The following IL21R variants were observed in gnomAD, a reference collection of about 807,000 sequenced individuals.
IL21R encodes the protein interleukin-21 receptor.
A neutral mutation model predicts 41.3 loss-of-function variants in IL21R; 14 were observed. The ratio of observed to expected loss-of-function variants is 0.34; its 90% CI spans 0.22 to 0.53. The LOEUF is 0.53. Among genes scored for constraint, IL21R ranks in the 20% least tolerant of loss-of-function variants. The pLI, the probability that IL21R is intolerant of heterozygous loss-of-function variation, is 0.94. For missense variants in IL21R, 588 were observed against 681.6 expected (o/e 0.86, Z 1.53); for synonymous variants, 286 against 287.6 (o/e 0.99, Z 0.05).
chr16:27,402,840 A>T (rs1473440599), intron 1 of IL21R, among the ~76,000 whole-genome samples: 4 of 152,128 alleles, frequency 2.6e-5, no homozygotes, highest in Admixed American at 2.6e-4. Flanking sequence ...AGCAGCAGGG[A>T]TGTGGCTGAG....
chr16:27,418,162 C>A (rs572060728), intron 1 of IL21R, among the ~76,000 whole-genome samples: 1 of 151,412 alleles, frequency 6.6e-6, no homozygotes, highest in Non-Finnish European at 1.5e-5. Context: ...CTCCGCCTCC[C>A]GGGTTCACGC....
chr16:27,445,286 G>C lies in IL21R; in HGVS notation c.785+10G>C, dbSNP rs1185644382. On this transcript the variant is annotated intron_variant, in intron 7 of 8. Coordinates refer to ENST00000337929, the MANE Select transcript of IL21R (RefSeq NM_181078.3). ...CCCATCCATTGTGGAGGTGAGGCCA[G>C]GGGATGAGGAAGGCAGGGAGGTGGT... 4 of 1,597,632 alleles carry C rather than the reference G, an allele frequency of 2.5e-6. No individual in the cohort carries two copies. Among genetic ancestry groups the C allele is most frequent in the Non-Finnish European group, 3.4e-6 (4 of 1,165,336 alleles).
chr16:27,447,950 CA>C (rs1295861568), intron 8 of IL21R: 1 of 152,514 alleles, frequency 6.6e-6, no homozygotes, highest in Non-Finnish European at 1.5e-5. Context: ...TGACTGGTCA[CA>C]CTACTAAGGG....
Position 27,440,283 on chromosome 16 carries a change from AGCAAGCGC to A in IL21R, c.352+2599_352+2606del, listed in dbSNP as rs1305346343. On this transcript the variant is annotated intron_variant, in intron 4 of 8. Transcript: ENST00000337929. ...GAGAGAGAGAGAGAGAGAGAGAGCG[AGCAAGCGC>A]GCGCCAGGGTGTAGCTTTGTCCTCC... Among the ~76,000 whole-genome samples the A allele has an allele frequency of 1.9e-4, 23 of 118,712 alleles. 1 individual carries two copies. The highest frequency in any genetic ancestry group is 3.1e-4 in the African/African-American group (8 of 25,644). The allele number at this position is 118,712 out of a possible 152,430, so 77.9% of individuals were successfully genotyped here.
intron 3 of IL21R, 60 bp from the exon 4 acceptor site, chr16:27,437,428 C>T (rs2087290153): frequency 7.2e-7 from 1 of 1,391,626 alleles, no homozygotes; most frequent in Non-Finnish European, 1.0e-6. Context: ...GAGCACTGAG[C>T]CCACCACCAT....
intron 1 of IL21R, among the ~76,000 whole-genome samples, chr16:27,418,014 T>TA (rs970577182): frequency 3.6e-5 from 1 of 27,830 alleles, no homozygotes; most frequent in African/African-American, 1.2e-4. Flanking sequence ...CTATTTTATT[T>TA]ATTTTATTTT....
intron 1 of IL21R, among the ~76,000 whole-genome samples, chr16:27,429,054 T>C (rs1338403762): frequency 1.3e-5 from 2 of 152,106 alleles, no homozygotes; most frequent in East Asian, 1.9e-4. Flanking sequence ...CAAAACCCTG[T>C]CTCTACTAAA....
chr16:27,431,990 C>T (rs575907830), intron 2 of IL21R, among the ~76,000 whole-genome samples: 42 of 152,334 alleles, frequency 2.8e-4, no homozygotes, highest in African/African-American at 8.7e-4. Flanking sequence ...AGGGGACACA[C>T]GCTGCATCCT....
chr16:27,436,006 C>T (rs1263885209), intron 3 of IL21R, among the ~76,000 whole-genome samples: 2 of 152,166 alleles, frequency 1.3e-5, no homozygotes, highest in Non-Finnish European at 2.9e-5. Flanking sequence ...CTCCTGGCCT[C>T]AAGTGATCCG....
rs369791992 is a variant in IL21R at position 27,433,857 on chromosome 16, T to C, written c.50-490T>C. 1.1e-3 allele frequency among the ~76,000 whole-genome samples: 164 copies of C among 152,278 alleles called. 1 individual carries two copies. The highest frequency in any genetic ancestry group is 3.8e-3 in the African/African-American group (160 of 41,566). Reference sequence around the variant, plus strand: ...GGGTGTCCTGTGGATCCAACTTCTGTAGAGCCGAGTCCTCTTCCTTGTCAG... The same window carrying C: ...GGGTGTCCTGTGGATCCAACTTCTGCAGAGCCGAGTCCTCTTCCTTGTCAG... On this transcript the variant is annotated intron_variant, in intron 2 of 8. Coordinates refer to ENST00000337929, the MANE Select transcript of IL21R (RefSeq NM_181078.3).
chr16:27,414,998 A>T (rs1427331719), intron 1 of IL21R, among the ~76,000 whole-genome samples: 1 of 152,198 alleles, frequency 6.6e-6, no homozygotes, highest in Non-Finnish European at 1.5e-5. Flanking sequence ...TGAAGCAGGA[A>T]CAAACATCAA....
At chr16:27,435,963 G>A (rs878985038) in intron 3 of IL21R, among the ~76,000 whole-genome samples, 5 of 152,134 alleles carry the variant, frequency 3.3e-5, no homozygotes, top group Non-Finnish European at 7.3e-5. Context: ...AGTAGAGACA[G>A]GGTTTTGTCA....
chr16:27,444,937 G>C (rs1446180014), intron 6 of IL21R, among the ~76,000 whole-genome samples: 1 of 152,198 alleles, frequency 6.6e-6, no homozygotes, highest in Non-Finnish European at 1.5e-5. Context: ...TAACTCTGAA[G>C]TGGGAATCAG....
intron 1 of IL21R, among the ~76,000 whole-genome samples, chr16:27,428,482 GCATCCCT>G (rs2087114590): frequency 6.6e-6 from 1 of 152,266 alleles, no homozygotes; most frequent in African/African-American, 2.4e-5. Flanking sequence ...CCTGCATGGG[GCATCCCT>G]CTTAGGTTTA....
chr16:27,442,143 T>G (rs1249490195), intron 4 of IL21R, among the ~76,000 whole-genome samples: 1 of 152,206 alleles, frequency 6.6e-6, no homozygotes, highest in Admixed American at 6.5e-5. Flanking sequence ...TGTGTGCGTG[T>G]GCATTTGTGT....
chr16:27,420,404 A>G (rs551787547), intron 1 of IL21R, among the ~76,000 whole-genome samples: 1 of 152,350 alleles, frequency 6.6e-6, no homozygotes, highest in African/African-American at 2.4e-5. Flanking sequence ...AACATTTTGA[A>G]GAACTGCAAA....
At chr16:27,436,893 T>C (rs2087280054) in intron 3 of IL21R, among the ~76,000 whole-genome samples, 1 of 152,036 alleles carries the variant, frequency 6.6e-6, no homozygotes, top group African/African-American at 2.4e-5. Context: ...AGCAACATGG[T>C]GGGACCCCAT....
rs1371057328 is a variant in IL21R, at chr16:27,449,821, C to T, written c.*538C>T. The T allele has an allele frequency of 3.0e-5, 7 of 234,892 alleles. No individual in the cohort carries two copies. Among genetic ancestry groups the T allele is most frequent in the Non-Finnish European group, 5.0e-5 (6 of 119,080 alleles). 14.6% of individuals were successfully genotyped at this position (234,892 alleles called of 1,614,324 possible). On this transcript the variant is annotated 3_prime_UTR_variant, in exon 9 of 9. Transcript: ENST00000337929. ...TTCCTTATCACCTGCCAACAGGAAG[C>T]GAAAGGGGATGGAGTGAGCCCATGG...
Position 27,437,530 on chromosome 16 carries a change from C to T in IL21R, c.195C>T (p.Cys65=). The change falls in exon 4 of 9, where the codon TGC becomes TGT. Residue 65 remains cysteine, a synonymous_variant. Transcript: ENST00000337929. ...AGCTGAAGGACGAGGCCACCTCCTG[C>T]AGCCTCCACAGGTCGGCCCACAATG... ...YEELKDEATS[C]SLHRSAHNAT... 2 of 1,614,126 alleles carry T rather than the reference C, an allele frequency of 1.2e-6. No individual in the cohort carries two copies. Among genetic ancestry groups the T allele is most frequent in the South Asian group, 1.1e-5 (1 of 91,084 alleles).
Sources: gnomAD v4.1 joint callset for allele counts (sites outside exome capture counted in the v4.1 genomes callset) on GRCh38, gnomAD v4.1.1 for gene constraint, MANE v1.5 for transcripts, NCBI Gene and HGNC (gene_info 2026-07-23, HGNC 2026-07-21) for gene names.